The following AKR1C2 variants were observed in gnomAD, a reference collection of about 807,000 sequenced individuals.
AKR1C2 encodes the protein aldo-keto reductase family 1 member C2.
AKR1C2 carries 27 observed loss-of-function variants against 39.8 expected under a neutral mutation model. The ratio of observed to expected loss-of-function variants is 0.68; its 90% CI spans 0.50 to 0.93. AKR1C2 has a LOEUF of 0.93. Ranked by LOEUF, AKR1C2 falls within the 40% of genes least tolerant of loss-of-function variation. The pLI, the probability that AKR1C2 is intolerant of heterozygous loss-of-function variation, is 0.00. For missense variants in AKR1C2, 263 were observed against 365.1 expected (o/e 0.72, Z 2.28); for synonymous variants, 114 against 137.9 (o/e 0.83, Z 1.22).
At chr10:5,007,723 T>A (rs1179900057), upstream of AKR1C2, among the ~76,000 whole-genome samples, 26 of 151,642 alleles carry the variant, frequency 1.7e-4, no homozygotes, top group African/African-American at 5.8e-4. Flanking sequence ...AACTTAAATG[T>A]CTAAAATGCA....
Position 4,989,878 on chromosome 10 carries a change from C to G in AKR1C2, c.*118G>C. On this transcript the variant is annotated 3_prime_UTR_variant, in exon 9 of 9. Transcript: ENST00000380753. ...GGGCTTAGCTGTAGCTTACTGAAGT[C>G]GCCAAGCAGGAGAGATTTAACCAGA... 6.9e-7 allele frequency: 1 copy of G among 1,447,762 alleles called. No individual in the cohort carries two copies. The highest frequency in any genetic ancestry group is 1.3e-5 in the South Asian group (1 of 77,334). The allele number at this position is 1,447,762 out of a possible 1,614,324, so 89.7% of individuals were successfully genotyped here.
upstream of AKR1C2, chr10:5,004,726 T>A (rs550374208): frequency 1.4e-5 from 2 of 148,052 alleles, no homozygotes; most frequent in East Asian, 3.9e-4. Context: ...CATGGGATAA[T>A]TTTTACTTTA....
intron 1 of AKR1C2, among the ~76,000 whole-genome samples, chr10:5,016,310 C>T (rs558565548): frequency 1.3e-5 from 2 of 152,148 alleles, no homozygotes; most frequent in South Asian, 4.2e-4. Flanking sequence ...GTCATAAAAT[C>T]AAAAATAGGT....
At position 4,989,365 on chromosome 10, in the gene AKR1C2, C is replaced by T. The variant is rs1325263769; in HGVS notation, c.*631G>A. 6.6e-6 allele frequency: 1 copy of T among 151,810 alleles called. No individual in the cohort carries two copies. Among genetic ancestry groups the T allele is most frequent in the Non-Finnish European group, 1.5e-5 (1 of 67,990 alleles). 9.4% of individuals were successfully genotyped at this position (151,810 alleles called of 1,614,324 possible). Reference sequence around the variant, plus strand: ...ATGTTTTTCCAAGCAGAGATGTACTCGACTCTGTCCTATTTAGCCTTCCCA... The same window carrying T: ...ATGTTTTTCCAAGCAGAGATGTACTTGACTCTGTCCTATTTAGCCTTCCCA... On this transcript the variant is annotated 3_prime_UTR_variant, in exon 9 of 9. Coordinates refer to ENST00000380753, the MANE Select transcript of AKR1C2 (RefSeq NM_001393392.1).
upstream of AKR1C2, among the ~76,000 whole-genome samples, chr10:5,005,209 A>G (rs1248585015): frequency 1.3e-5 from 2 of 152,232 alleles, no homozygotes; most frequent in Admixed American, 1.3e-4. Flanking sequence ...AAAAGGGCAA[A>G]CACAGTCCAC....
intron 1 of AKR1C2, among the ~76,000 whole-genome samples, chr10:5,016,560 C>T (rs1837643464): frequency 6.6e-6 from 1 of 152,214 alleles, no homozygotes; most frequent in Non-Finnish European, 1.5e-5. Flanking sequence ...TGTGGCTATA[C>T]AGGGTAAAGG....
upstream of AKR1C2, among the ~76,000 whole-genome samples, chr10:5,005,492 C>T (rs1188585592): frequency 1.1e-4 from 17 of 149,900 alleles, no homozygotes; most frequent in South Asian, 1.3e-3. Flanking sequence ...ACCATCCTGG[C>T]CAACATGGTG....
upstream of AKR1C2, among the ~76,000 whole-genome samples, chr10:5,005,544 G>A (rs186727445): frequency 7.7e-4 from 117 of 151,648 alleles, no homozygotes; most frequent in Non-Finnish European, 1.1e-3. Context: ...ATAGATGGAC[G>A]TGGTGGTGAG....
upstream of AKR1C2, among the ~76,000 whole-genome samples, chr10:5,008,932 C>A (rs1374774825): frequency 2.0e-5 from 3 of 152,076 alleles, no homozygotes; most frequent in African/African-American, 7.2e-5. Flanking sequence ...TCTATGTGAA[C>A]AAAAAGGGGT....
Position 5,000,732 on chromosome 10 carries a change from C to A in AKR1C2, c.253-66G>T, listed in dbSNP as rs1339766420. On this transcript the variant is annotated intron_variant, in intron 2 of 8. Transcript: ENST00000380753. ...GAGCCAGTTTTACTAGTTTGCTCCA[C>A]CTAATATTTAGACATTTTCTACTAC... 2.1e-6 allele frequency: 3 copies of A among 1,454,424 alleles called. No individual in the cohort carries two copies. In the African/African-American group the frequency reaches 4.3e-5, roughly 21 times the overall value. 90.1% of individuals were successfully genotyped at this position (1,454,424 alleles called of 1,614,324 possible).
chr10:4,993,045 G>A (rs1175671203), intron 7 of AKR1C2, among the ~76,000 whole-genome samples: 15 of 152,162 alleles, frequency 9.9e-5, no homozygotes, highest in African/African-American at 2.4e-5. Flanking sequence ...TTCATATTAT[G>A]ATCATGGACT....
intron 5 of AKR1C2, among the ~76,000 whole-genome samples, chr10:4,998,407 G>A (rs868978193): frequency 2.6e-5 from 4 of 152,150 alleles, no homozygotes; most frequent in Admixed American, 2.6e-4. Context: ...TCCTATAAAT[G>A]TAACACACAA....
intron 8 of AKR1C2, among the ~76,000 whole-genome samples, chr10:4,991,423 T>G (rs1346687578): frequency 6.6e-6 from 1 of 152,152 alleles, no homozygotes; most frequent in African/African-American, 2.4e-5. Flanking sequence ...GGAACTGCCT[T>G]TGATCTGGTA....
rs2854489 is a variant in AKR1C2 at position 4,998,545 on chromosome 10, A to T, written c.570+80T>A. The T allele has an allele frequency of 0.038, 60,036 of 1,583,146 alleles. 1,775 individuals are homozygous for T. Among genetic ancestry groups the T allele is most frequent in the African/African-American group, 0.15 (11,464 of 74,084 alleles). On this transcript the variant is annotated intron_variant, in intron 5 of 8. Coordinates refer to ENST00000380753, the MANE Select transcript of AKR1C2 (RefSeq NM_001393392.1). ...CTTCTCTTTTACAAAGATAAGTGGG[A>T]CTAAATGAATGGATACTTGGCAATA...
chr10:5,000,331 A>T, intron 3 of AKR1C2: 10 of 1,527,258 alleles, frequency 6.5e-6, no homozygotes, highest in Non-Finnish European at 8.8e-6. Flanking sequence ...GGCTTTGAGG[A>T]TTCTGCACTC....
At chr10:5,016,267 A>G (rs1435877576) in intron 1 of AKR1C2, among the ~76,000 whole-genome samples, 6 of 152,232 alleles carry the variant, frequency 3.9e-5, no homozygotes, top group African/African-American at 1.4e-4. Context: ...CTAAAGTCTC[A>G]TCTGAGACAA....
At chr10:5,011,205 G>T (rs1277658167) in intron 1 of AKR1C2, among the ~76,000 whole-genome samples, 4 of 152,148 alleles carry the variant, frequency 2.6e-5, no homozygotes, top group African/African-American at 9.7e-5. Context: ...TCATCAAAGA[G>T]CAGAGGTTTC....
upstream of AKR1C2, among the ~76,000 whole-genome samples, chr10:5,008,261 G>GAT (rs1837445421): frequency 7.2e-6 from 1 of 138,200 alleles, no homozygotes; most frequent in Non-Finnish European, 1.6e-5. Context: ...TTATGTTGGG[G>GAT]CTCCAGACCC....
intron 1 of AKR1C2, chr10:5,015,266 C>T (rs1258513564): frequency 6.6e-6 from 1 of 152,172 alleles, no homozygotes; most frequent in Non-Finnish European, 1.5e-5. Flanking sequence ...GGTTTAATGC[C>T]TTTTGAATGA....
Sources: gnomAD v4.1 joint callset for allele counts (sites outside exome capture counted in the v4.1 genomes callset) on GRCh38, gnomAD v4.1.1 for gene constraint, MANE v1.5 for transcripts, NCBI Gene and HGNC (gene_info 2026-07-23, HGNC 2026-07-21) for gene names.